The following STPG2 variants were observed in gnomAD, a reference collection of about 807,000 sequenced individuals.
STPG2 encodes the protein sperm-tail PG-rich repeat-containing protein 2.
Under a neutral mutation model 54.2 loss-of-function variants are expected in STPG2, and 56 were observed. That is an observed-to-expected ratio of 1.03 (90% confidence interval 0.83 to 1.29). STPG2 has a LOEUF of 1.29. STPG2 is among the 50% of genes most tolerant of loss of function. The pLI, the probability that STPG2 is intolerant of heterozygous loss-of-function variation, is 0.00. For synonymous variants in STPG2, 200 were observed against 181.8 expected (o/e 1.10, Z -0.81); for missense variants, 596 against 544.9 (o/e 1.09, Z -0.93).
chr4:97,805,551 C>T (rs1727532407), intron 9 of STPG2, among the ~76,000 whole-genome samples: 2 of 152,092 alleles, frequency 1.3e-5, no homozygotes, highest in East Asian at 1.9e-4. Flanking sequence ...TGTTTGTTGG[C>T]CAATTGTATG....
At chr4:97,520,855 T>C (rs1731165924) in intron 4 of STPG2, among the ~76,000 whole-genome samples, 2 of 152,174 alleles carry the variant, frequency 1.3e-5, no homozygotes, top group South Asian at 2.1e-4. Context: ...AAAGGGTAAA[T>C]GTATTTTCAA....
intron 10 of STPG2, among the ~76,000 whole-genome samples, chr4:97,565,195 C>T (rs1209294481): frequency 1.3e-5 from 2 of 152,316 alleles, no homozygotes; most frequent in East Asian, 1.9e-4. Context: ...CATCTTCCAT[C>T]ACTGATACCC....
chr4:97,856,031 A>AT (rs899608841), intron 8 of STPG2, among the ~76,000 whole-genome samples: 17 of 151,770 alleles, frequency 1.1e-4, no homozygotes, highest in Non-Finnish European at 2.1e-4. Context: ...CTGTGTGTCC[A>AT]TTTTTTGTAT....
In STPG2 at chr4:97,558,887, G is replaced by T; in HGVS notation, c.*171C>A. ...TTTTAAAGAATTTTGTCTTAACAAG[G>T]TTTATTTCTCCGTGGTTGTGTCATA... On this transcript the variant is annotated 3_prime_UTR_variant, in exon 11 of 11. Coordinates refer to ENST00000295268, the MANE Select transcript of STPG2 (RefSeq NM_174952.3). The T allele has an allele frequency of 1.8e-6, 1 of 569,190 alleles. No individual in the cohort carries two copies. The highest frequency in any genetic ancestry group is 3.1e-6 in the Non-Finnish European group (1 of 321,060). The allele number at this position is 569,190 out of a possible 1,614,324, so 35.3% of individuals were successfully genotyped here.
At chr4:98,015,924 G>A (rs1735930532) in intron 5 of STPG2, among the ~76,000 whole-genome samples, 1 of 152,030 alleles carries the variant, frequency 6.6e-6, no homozygotes, top group African/African-American at 2.4e-5. Context: ...GGATGAAGCT[G>A]GAAACCATTA....
At chr4:97,966,913 T>C (rs1032267160) in intron 7 of STPG2, among the ~76,000 whole-genome samples, 2 of 152,108 alleles carry the variant, frequency 1.3e-5, no homozygotes, top group African/African-American at 4.8e-5. Flanking sequence ...ACATGCCAAA[T>C]TGTAAAGACC....
At chr4:97,484,154 T>C (rs967073202) in intron 4 of STPG2, among the ~76,000 whole-genome samples, 1 of 151,116 alleles carries the variant, frequency 6.6e-6, no homozygotes, top group Non-Finnish European at 1.5e-5. Context: ...AGGTCATACA[T>C]CAAAGAACTA....
At chr4:97,883,717 G>T (rs1440242405) in intron 8 of STPG2, among the ~76,000 whole-genome samples, 1 of 151,978 alleles carries the variant, frequency 6.6e-6, no homozygotes, top group Non-Finnish European at 1.5e-5. Context: ...ATTACAAGAA[G>T]AAGAAAAAAA....
intron 10 of STPG2, among the ~76,000 whole-genome samples, chr4:97,632,291 T>C (rs1289710872): frequency 6.6e-6 from 1 of 150,984 alleles, no homozygotes; most frequent in Non-Finnish European, 1.5e-5. Context: ...ATTGGTTTTT[T>C]TTTTTTTTAT....
intron 8 of STPG2, among the ~76,000 whole-genome samples, chr4:97,924,776 A>G (rs774882913): frequency 7.2e-5 from 11 of 152,206 alleles, no homozygotes; most frequent in Admixed American, 2.6e-4. Flanking sequence ...GAGGTAGTAG[A>G]TAAGTCATGT....
chr4:97,441,514 G>T (rs761994868), intron 4 of STPG2: 1 of 151,946 alleles, frequency 6.6e-6, no homozygotes, highest in Non-Finnish European at 1.5e-5. Flanking sequence ...TATATTAATA[G>T]ATATTACCTT....
chr4:97,735,565 A>G (rs1364757421), intron 9 of STPG2, among the ~76,000 whole-genome samples: 2 of 148,858 alleles, frequency 1.3e-5, no homozygotes, highest in Non-Finnish European at 3.0e-5. Flanking sequence ...ACATATACAT[A>G]TTTACATTTA....
intron 10 of STPG2, among the ~76,000 whole-genome samples, chr4:97,594,182 A>G (rs1733221258): frequency 6.6e-6 from 1 of 152,234 alleles, no homozygotes; most frequent in Non-Finnish European, 1.5e-5. Context: ...AGAATTCAGA[A>G]TAAGGATAGG....
chr4:97,825,969 T>C (rs972601626), intron 9 of STPG2, among the ~76,000 whole-genome samples: 3 of 152,214 alleles, frequency 2.0e-5, no homozygotes, highest in African/African-American at 7.2e-5. Context: ...AACTGATTCT[T>C]TGACTTTTCT....
chr4:97,669,033 C>T (rs1722617290), intron 10 of STPG2, among the ~76,000 whole-genome samples: 1 of 151,282 alleles, frequency 6.6e-6, no homozygotes, highest in Non-Finnish European at 1.5e-5. Flanking sequence ...AACAATGATC[C>T]AGAGAGGTTA....
Position 98,143,101 on chromosome 4 carries a change from G to C in STPG2, c.50C>G (p.Thr17Ser), listed in dbSNP as rs144452195. Residue 17 changes from threonine (T) to serine (S), a missense_variant, in exon 1 of 11, where the codon ACT becomes AGT. Transcript: ENST00000295268. Reference sequence around the variant, plus strand: ...GGATCCAGGACCCACATGGGCCTCAGTGCTGCCACCTTCAGCCAATTTGAG... The same window carrying C: ...GGATCCAGGACCCACATGGGCCTCACTGCTGCCACCTTCAGCCAATTTGAG... Reference protein sequence around the residue: ...RLLKLAEGGSTEAHVGPGSYQ... With the variant: ...RLLKLAEGGSSEAHVGPGSYQ... The C allele has an allele frequency of 5.2e-5, 84 of 1,613,902 alleles. No individual in the cohort carries two copies. Among genetic ancestry groups the C allele is most frequent in the Non-Finnish European group, 6.2e-5 (73 of 1,179,982 alleles).
intron 10 of STPG2, among the ~76,000 whole-genome samples, chr4:97,680,816 T>G (rs1014957952): frequency 3.3e-5 from 5 of 151,830 alleles, no homozygotes; most frequent in Non-Finnish European, 7.4e-5. Context: ...CTGTTACCCA[T>G]GAAGACCTGA....
chr4:97,507,720 TATG>T (rs1446966556), intron 4 of STPG2, among the ~76,000 whole-genome samples: 1 of 151,970 alleles, frequency 6.6e-6, no homozygotes, highest in East Asian at 1.9e-4. Flanking sequence ...GTGCTATACA[TATG>T]ATGACAGTTT....
Position 97,739,304 on chromosome 4 carries a change from C to G in STPG2, c.1205-26490G>C, listed in dbSNP as rs563687622. On this transcript the variant is annotated intron_variant, in intron 9 of 10. Transcript: ENST00000295268. The stretch of plus-strand genomic sequence containing the variant: ...CACCCTAACATCACAATTAAAAGAA[C>G]TAGAAAAGCAAGAGCAAACACATTC... Among the ~76,000 whole-genome samples the G allele has an allele frequency of 3.1e-3, 468 of 152,142 alleles. 1 individual carries two copies. Among genetic ancestry groups the G allele is most frequent in the African/African-American group, 0.011 (444 of 41,502 alleles).
Sources: gnomAD v4.1 joint callset for allele counts (sites outside exome capture counted in the v4.1 genomes callset) on GRCh38, gnomAD v4.1.1 for gene constraint, MANE v1.5 for transcripts, NCBI Gene and HGNC (gene_info 2026-07-23, HGNC 2026-07-21) for gene names.